MAP3K8: variants seen among roughly 807,000 people sequenced by gnomAD.
MAP3K8 encodes the protein Ewing sarcoma transformant.
A neutral mutation model predicts 45.8 loss-of-function variants in MAP3K8; 22 were observed. The observed-to-expected ratio is 0.48, with a 90% CI of 0.34 to 0.69. MAP3K8 has a LOEUF of 0.69. MAP3K8 is among the 30% of genes least tolerant of loss of function. MAP3K8 has a pLI of 0.01. For missense variants in MAP3K8, 419 were observed against 585.0 expected (o/e 0.72, Z 2.93); for synonymous variants, 223 against 214.3 (o/e 1.04, Z -0.36).
intron 7 of MAP3K8, 39 bp downstream of exon 7, chr10:30,458,275 G>T (rs8177026): frequency 7.4e-7 from 1 of 1,356,006 alleles, no homozygotes; most frequent in South Asian, 1.6e-5. Context: ...CGGCGGGGGG[G>T]GGCGTTGAGT....
intron 5 of MAP3K8, chr10:30,450,743 T>A: frequency 1.8e-6 from 1 of 541,398 alleles, no homozygotes; most frequent in East Asian, 3.2e-5. Flanking sequence ...TGAAAGGTTA[T>A]AGCTACATAC....
In MAP3K8 at chr10:30,459,349, A is replaced by G. The variant is rs755188415; in HGVS notation, c.1121A>G (p.Asn374Ser). Residue 374 changes from asparagine (N) to serine (S), a missense_variant, in exon 8 of 9, where the codon AAT becomes AGT. By Grantham distance (46) the Asn-to-Ser change is conservative (BLOSUM62 1). Around this residue, in one of 3 missense-constraint regions of MAP3K8, gnomAD observed 108 missense variants for 124.2 expected, o/e 0.87. Coordinates refer to ENST00000263056, the MANE Select transcript of MAP3K8 (RefSeq NM_005204.4). ...LIEASLERNP[N>S]HRPRAADLLK... Reference sequence around the variant, plus strand: ...GAAGCTTCCCTGGAGAGAAACCCCAATCACCGCCCAAGAGCCGCAGACCTA... The same window carrying G: ...GAAGCTTCCCTGGAGAGAAACCCCAGTCACCGCCCAAGAGCCGCAGACCTA... 21 of 1,614,120 alleles carry G rather than the reference A, an allele frequency of 1.3e-5. No homozygotes were observed. The highest frequency in any genetic ancestry group is 1.7e-5 in the Non-Finnish European group (20 of 1,180,028).
chr10:30,449,321 C>G (rs1376467926), intron 4 of MAP3K8, among the ~76,000 whole-genome samples: 1 of 152,064 alleles, frequency 6.6e-6, no homozygotes, highest in Non-Finnish European at 1.5e-5. Context: ...CTTGGCTCAC[C>G]TCAACCTCTG....
At chr10:30,459,181 TG>T in intron 7 of MAP3K8, 73 bp from the exon 8 acceptor site, 1 of 1,546,074 alleles carries the variant, frequency 6.5e-7, no homozygotes, top group Non-Finnish European at 8.9e-7. Flanking sequence ...TTCTAGGTCC[TG>T]GTACTAGCAT....
At position 30,447,904 on chromosome 10, in the gene MAP3K8, C is replaced by T. The variant is rs1161765891; in HGVS notation, c.459C>T (p.Tyr153=). 1 of 1,613,328 alleles carries T rather than the reference C, an allele frequency of 6.2e-7. No homozygotes were observed. Among genetic ancestry groups the T allele is most frequent in the Non-Finnish European group, 8.5e-7 (1 of 1,179,864 alleles). ...CTCGGGGCGCCTTTGGAAAGGTATA[C>T]TTGGCACAAGATATAAAGACGAAGA... ...FIPRGAFGKV[Y]LAQDIKTKKR... is the part of the protein sequence containing the mutation. Residue 153 remains tyrosine, a synonymous_variant, in exon 4 of 9, where the codon TAC becomes TAT. Transcript: ENST00000263056.
At position 30,438,913 on chromosome 10, in the gene MAP3K8, T is replaced by C. The variant is rs765985240; in HGVS notation, c.-23-3T>C. On this transcript the variant is annotated splice_region_variant and splice_polypyrimidine_tract_variant and intron_variant, in intron 2 of 8. Coordinates refer to ENST00000263056, the MANE Select transcript of MAP3K8 (RefSeq NM_005204.4). Reference sequence around the variant, plus strand: ...AACTAAATATTTGTGTTTTCTTTCCTAGACTCTCCAGAAAGAGCAACAGTA... The same window carrying C: ...AACTAAATATTTGTGTTTTCTTTCCCAGACTCTCCAGAAAGAGCAACAGTA... 5 of 1,512,350 alleles carry C rather than the reference T, an allele frequency of 3.3e-6. No homozygotes were observed. The East Asian group carries it at 9.1e-5, about 28-fold the overall frequency. 93.7% of individuals were successfully genotyped at this position (1,512,350 alleles called of 1,614,324 possible).
chr10:30,449,321 C>T (rs1376467926), intron 4 of MAP3K8, among the ~76,000 whole-genome samples: 3 of 152,064 alleles, frequency 2.0e-5, no homozygotes, highest in East Asian at 1.9e-4. Context: ...CTTGGCTCAC[C>T]TCAACCTCTG....
intron 3 of MAP3K8, among the ~76,000 whole-genome samples, chr10:30,440,163 G>T (rs1254457768): frequency 2.0e-5 from 3 of 152,228 alleles, no homozygotes; most frequent in Non-Finnish European, 2.9e-5. Context: ...AGTAGATCAG[G>T]TGATGTGTTT....
intron 3 of MAP3K8, among the ~76,000 whole-genome samples, chr10:30,445,608 T>C (rs1478376206): frequency 6.6e-6 from 1 of 152,060 alleles, no homozygotes; most frequent in Non-Finnish European, 1.5e-5. Context: ...TCTGTCTAAA[T>C]GTGAAAAGGG....
At chr10:30,436,745 G>C (rs1835922565) in intron 1 of MAP3K8, among the ~76,000 whole-genome samples, 1 of 149,576 alleles carries the variant, frequency 6.7e-6, no homozygotes, top group Admixed American at 6.7e-5. Context: ...GATCAGCAGA[G>C]TGAATTTGAA....
chr10:30,449,632 G>T (rs1218451755), intron 4 of MAP3K8, among the ~76,000 whole-genome samples: 3 of 152,012 alleles, frequency 2.0e-5, no homozygotes, highest in Non-Finnish European at 4.4e-5. Flanking sequence ...ATTGTAATAA[G>T]AGAGTAGCTG....
Position 30,434,462 on chromosome 10 carries a change from G to A in MAP3K8, c.-255+84G>A, listed in dbSNP as rs930636545. 6 of 985,538 alleles carry A rather than the reference G, an allele frequency of 6.1e-6. No individual in the cohort carries two copies. In the African/African-American group the frequency reaches 1.0e-4, roughly 17 times the overall value. The allele number at this position is 985,538 out of a possible 1,614,324, so 61.0% of individuals were successfully genotyped here. ...CCGGGGATTCCCATGCAGAAATGGA[G>A]GGTGCCCCCAGCAGAGGGGAAAACT... On this transcript the variant is annotated intron_variant, in intron 1 of 8. Transcript: ENST00000263056.
chr10:30,451,840 G>A (rs1409781459), intron 6 of MAP3K8, 96 bp downstream of exon 6: 3 of 626,264 alleles, frequency 4.8e-6, no homozygotes, highest in African/African-American at 3.7e-5. Context: ...CAAAGAAGGG[G>A]AAGAAACCCA....
intron 2 of MAP3K8, 75 bp from the exon 3 acceptor site, chr10:30,438,841 T>A: frequency 1.3e-6 from 1 of 775,778 alleles, no homozygotes; most frequent in Non-Finnish European, 2.0e-6. Flanking sequence ...TGCCAATCCT[T>A]GTATGTCAGT....
intron 3 of MAP3K8, 25 bp from the exon 4 acceptor site, chr10:30,447,757 G>A (rs150277388): frequency 3.0e-5 from 48 of 1,605,130 alleles, no homozygotes; most frequent in East Asian, 4.5e-5. Flanking sequence ...AGTTCTCACC[G>A]TCTCACATTT....
intron 3 of MAP3K8, among the ~76,000 whole-genome samples, chr10:30,444,160 A>G (rs577016083): frequency 6.6e-5 from 10 of 152,060 alleles, no homozygotes; most frequent in Middle Eastern, 3.4e-3. Context: ...ACTGCACTCC[A>G]GCCTAGGTGA....
chr10:30,458,200 C>CACTTACTATG lies in MAP3K8; in HGVS notation c.990_991insACTTACTATG (p.Tyr331ThrfsTer29). 1 of 1,589,908 alleles carries CACTTACTATG rather than the reference C, an allele frequency of 6.3e-7. No individual in the cohort carries two copies. ...CGGGCACCCCACCCTGGGTGAAGCG[C>CACTTACTATG]TACCCTCGCTCAGCCTATCCCTCCT... On this transcript the variant is annotated frameshift_variant, in exon 7 of 9. Coordinates refer to ENST00000263056, the MANE Select transcript of MAP3K8 (RefSeq NM_005204.4). LOFTEE classifies it high-confidence loss of function.
intron 2 of MAP3K8, among the ~76,000 whole-genome samples, chr10:30,437,769 G>GA: frequency 6.6e-6 from 1 of 152,306 alleles, no homozygotes; most frequent in Non-Finnish European, 1.5e-5. Context: ...TCAGACGTGC[G>GA]TGGCTTTAGC....
At chr10:30,459,777 T>A (rs1033464470) in intron 8 of MAP3K8, among the ~76,000 whole-genome samples, 6 of 152,198 alleles carry the variant, frequency 3.9e-5, no homozygotes, top group African/African-American at 1.4e-4. Context: ...CTTGCTTTTT[T>A]ACAACTTTTG....
Sources: gnomAD v4.1 joint callset for allele counts (sites outside exome capture counted in the v4.1 genomes callset) on GRCh38, gnomAD v4.1.1 for gene constraint, gnomAD v4.1.1 regional missense constraint, MANE v1.5 for transcripts, NCBI Gene and HGNC (gene_info 2026-07-23, HGNC 2026-07-21) for gene names.